ABCB6: variants seen among roughly 807,000 people sequenced by gnomAD.
ABCB6 encodes ATP-binding cassette sub-family B member 6.
In ABCB6, 87 loss-of-function variants were observed where a neutral mutation model predicts 99.4. The ratio of observed to expected loss-of-function variants is 0.88; its 90% CI spans 0.74 to 1.05. The LOEUF (loss-of-function observed/expected upper bound fraction) is 1.05, where lower values mean the gene tolerates loss of function less well. Among genes scored for constraint, ABCB6 ranks in the 50% least tolerant of loss-of-function variants. The pLI, the probability that ABCB6 is intolerant of heterozygous loss-of-function variation, is 0.00. For synonymous variants in ABCB6, 482 were observed against 447.5 expected (o/e 1.08, Z -0.97); for missense variants, 1,050 against 1,097.9 (o/e 0.96, Z 0.62).
rs112830664 is a variant in ABCB6 at position 219,216,686 on chromosome 2, G to C, written c.834C>G (p.Leu278=). The C allele has an allele frequency of 1.9e-6, 3 of 1,577,052 alleles. No individual in the cohort carries two copies. The highest frequency in any genetic ancestry group is 1.9e-5 in the Admixed American group (1 of 53,910). The part of the protein sequence containing the change: ...CLGLMGLERA[L]NVLVPIFYRN... Reference sequence around the variant, plus strand: ...TATAGAATATAGGCACCAACACATTGAGTGCCCGTTCCAAACCCATGAGCC... The same window carrying C: ...TATAGAATATAGGCACCAACACATTCAGTGCCCGTTCCAAACCCATGAGCC... The change falls in exon 3 of 19, where the codon CTC becomes CTG. Residue 278 remains leucine, a synonymous_variant. Transcript: ENST00000265316. The surrounding 1 kb of genome is among the most constrained non-coding windows in gnomAD (Gnocchi z 4.2).
Position 219,216,917 on chromosome 2 carries a change from G to T in ABCB6, c.688-85C>A. On this transcript the variant is annotated intron_variant, in intron 2 of 18. Coordinates refer to ENST00000265316, the MANE Select transcript of ABCB6 (RefSeq NM_005689.4). This position sits in a 1 kb window ranked among gnomAD's most constrained non-coding sequence, Gnocchi z 4.2. The stretch of plus-strand genomic sequence containing the variant: ...AACCCTTCAGGGAAAAACCTATGGG[G>T]TTACAGCTCCCAGGTATCTCAGACC... 1 of 1,259,136 alleles carries T rather than the reference G, an allele frequency of 7.9e-7. No homozygotes were observed. Among genetic ancestry groups the T allele is most frequent in the Non-Finnish European group, 1.1e-6 (1 of 927,458 alleles). 78.0% of individuals were successfully genotyped at this position (1,259,136 alleles called of 1,614,324 possible).
In ABCB6 at chr2:219,213,251, A is replaced by C; in HGVS notation, c.1795T>G (p.Tyr599Asp). The C allele has an allele frequency of 6.2e-7, 1 of 1,614,224 alleles. No homozygotes were observed. Among genetic ancestry groups the C allele is most frequent in the South Asian group, 1.1e-5 (1 of 91,088 alleles). Reference protein sequence around the residue: ...RIEFENVHFSYADGRETLQDV... With the variant: ...RIEFENVHFSDADGRETLQDV... ...AAAGGAAGGCCTCACCCATCGGCAT[A>C]GCTGAAGTGCACGTTCTCAAACTCA... Residue 599 changes from tyrosine to aspartate, a missense_variant, in exon 12 of 19, where the codon TAT becomes GAT. By Grantham distance (160) the Tyr-to-Asp change is radical. Transcript: ENST00000265316.
intron 1 of ABCB6, 112 bp from the exon 2 acceptor site, chr2:219,217,919 T>C: frequency 7.5e-7 from 1 of 1,341,062 alleles, no homozygotes; most frequent in Non-Finnish European, 9.9e-7. Flanking sequence ...ACTTACAGGC[T>C]TAAAAAAAAA....
intron 2 of ABCB6, 83 bp downstream of exon 2, chr2:219,217,587 T>C (rs1950657673): frequency 8.4e-7 from 1 of 1,192,372 alleles, no homozygotes; most frequent in Non-Finnish European, 1.2e-6. Flanking sequence ...GAGGTTGCAG[T>C]GAGCTGAGAT....
rs1472648713 is a variant in ABCB6 at position 219,218,582 on chromosome 2, A to G, written c.92T>C (p.Leu31Pro). 6.2e-7 allele frequency: 1 copy of G among 1,612,648 alleles called. No individual in the cohort carries two copies. Among genetic ancestry groups the G allele is most frequent in the Admixed American group, 1.7e-5 (1 of 60,014 alleles). The stretch of plus-strand genomic sequence containing the variant: ...CAGAGCCATCCGCGTCGAGGGCACG[A>G]GCGTGAAGAAGAAGCAGGGACTCAG... ...DGLSPCFFFT[L>P]VPSTRMALGT... The change falls in exon 1 of 19, where the codon CTC becomes CCC. Residue 31 changes from leucine to proline, a missense_variant. Physicochemically the swap from Leu to Pro is moderately conservative, Grantham distance 98. Coordinates refer to ENST00000265316, the MANE Select transcript of ABCB6 (RefSeq NM_005689.4).
chr2:219,213,550 T>A (rs772687660), intron 10 of ABCB6, 40 bp downstream of exon 10: 1 of 1,614,090 alleles, frequency 6.2e-7, no homozygotes, highest in East Asian at 2.2e-5. Context: ...CAGGAAATAA[T>A]AATGTGCCCT....
intron 12 of ABCB6, 43 bp downstream of exon 12, chr2:219,213,198 G>A: frequency 6.2e-7 from 1 of 1,609,626 alleles, no homozygotes; most frequent in Non-Finnish European, 8.5e-7. Flanking sequence ...AAGGCAGTGT[G>A]CAAATGAACG....
At chr2:219,214,562 A>C in intron 6 of ABCB6, 64 bp from the exon 7 acceptor site, 11 of 1,191,202 alleles carry the variant, frequency 9.2e-6, no homozygotes, top group Non-Finnish European at 1.4e-5. Context: ...ACCAAATGTC[A>C]ATGTCCACTA....
Position 219,218,864 on chromosome 2 carries a change from C to G in ABCB6, c.-191G>C. On this transcript the variant is annotated 5_prime_UTR_variant, in exon 1 of 19. Coordinates refer to ENST00000265316, the MANE Select transcript of ABCB6 (RefSeq NM_005689.4). ...CCCACTCCCCTAGCGCACGCGCCGC[C>G]GCCACGCACTCACGCAGGGCACGTA... 1 of 588,260 alleles carries G rather than the reference C, an allele frequency of 1.7e-6. No homozygotes were observed. Among genetic ancestry groups the G allele is most frequent in the Non-Finnish European group, 2.8e-6 (1 of 355,134 alleles). The allele number at this position is 588,260 out of a possible 1,614,324, so 36.4% of individuals were successfully genotyped here.
In ABCB6 at chr2:219,212,996, G is replaced by C. The variant is rs754351332; in HGVS notation, c.1863+12C>G. 1.2e-6 allele frequency: 2 copies of C among 1,613,776 alleles called. No individual in the cohort carries two copies. The highest frequency in any genetic ancestry group is 8.5e-7 in the Non-Finnish European group (1 of 1,179,850). On this transcript the variant is annotated intron_variant, in intron 13 of 18. Coordinates refer to ENST00000265316, the MANE Select transcript of ABCB6 (RefSeq NM_005689.4). The stretch of plus-strand genomic sequence containing the variant: ...TGAGGCATCTGGGCCAAGTGGCTGG[G>C]TCTCCTCTCACCAGGGCAAGTGTCT...
Position 219,216,382 on chromosome 2 carries a change from C to A in ABCB6, c.952G>T (p.Gly318Cys), listed in dbSNP as rs1383033311. The change falls in exon 4 of 19, where the codon GGT (glycine) becomes TGT (cysteine). Residue 318 changes from glycine to cysteine, a missense_variant. Coordinates refer to ENST00000265316, the MANE Select transcript of ABCB6 (RefSeq NM_005689.4). This position sits in a 1 kb window ranked among gnomAD's most constrained non-coding sequence, Gnocchi z 4.2. ...SYVFLKFLQG[G>C]GTGSTGFVSN... is the part of the protein sequence containing the mutation. ...CTCATACCTGTACTGCCAGTGCCAC[C>A]CCCCTGGAGGAACTTGAGGAAGACG... 3 of 1,613,848 alleles carry A rather than the reference C, an allele frequency of 1.9e-6. No individual in the cohort carries two copies. Among genetic ancestry groups the A allele is most frequent in the Non-Finnish European group, 2.5e-6 (3 of 1,179,930 alleles).
chr2:219,213,025 C>T lies in ABCB6; in HGVS notation c.1846G>A (p.Gly616Arg), dbSNP rs768694750. ...CCTCTCACCAGGGCAAGTGTCTGTC[C>T]AGGCATCACAGTGAAAGACACGTCC... ...LQDVSFTVMPGQTLALVGPSG... is the reference protein window; with the variant it reads ...LQDVSFTVMPRQTLALVGPSG... Residue 616 changes from glycine to arginine, a missense_variant, in exon 13 of 19, where the codon GGA (glycine) becomes AGA (arginine). Gly to Arg is a moderately radical substitution (Grantham distance 125, BLOSUM62 -2). Coordinates refer to ENST00000265316, the MANE Select transcript of ABCB6 (RefSeq NM_005689.4). 1 of 1,614,016 alleles carries T rather than the reference C, an allele frequency of 6.2e-7. No homozygotes were observed. Among genetic ancestry groups the T allele is most frequent in the East Asian group, 2.2e-5 (1 of 44,864 alleles).
rs1950675288 is a variant in ABCB6, at chr2:219,218,405, C to T, written c.269G>A (p.Gly90Asp). Residue 90 changes from glycine to aspartate, a missense_variant, in exon 1 of 19, where the codon GGC becomes GAC. Coordinates refer to ENST00000265316, the MANE Select transcript of ABCB6 (RefSeq NM_005689.4). ...ATLQAALPLA[G>D]LAGRVGTARG... ...GGCAGTGCCCACCCGGCCAGCCAGG[C>T]CGGCCAGGGGCAGCGCCGCCTGAAG... 3 of 1,611,696 alleles carry T rather than the reference C, an allele frequency of 1.9e-6. No individual in the cohort carries two copies. Among genetic ancestry groups the T allele is most frequent in the South Asian group, 1.1e-5 (1 of 91,006 alleles).
intron 6 of ABCB6, 132 bp downstream of exon 6, chr2:219,214,829 G>T: frequency 9.6e-7 from 1 of 1,036,450 alleles, no homozygotes; most frequent in Non-Finnish European, 1.4e-6. Context: ...ATCACATGAC[G>T]AGCACTAGGA....
chr2:219,218,897 T>C lies in ABCB6; in HGVS notation c.-224A>G, dbSNP rs1046096254. 5.9e-6 allele frequency: 3 copies of C among 509,524 alleles called. No individual in the cohort carries two copies. The highest frequency in any genetic ancestry group is 4.1e-5 in the African/African-American group (2 of 49,144). 31.6% of individuals were successfully genotyped at this position (509,524 alleles called of 1,614,324 possible). On this transcript the variant is annotated 5_prime_UTR_variant, in exon 1 of 19. Transcript: ENST00000265316. Reference sequence around the variant, plus strand: ...ACTCACGCAGGGCACGTACGCCGTCTCAGCACGGCCCCGCTGGCTCTGGGC... The same window carrying C: ...ACTCACGCAGGGCACGTACGCCGTCCCAGCACGGCCCCGCTGGCTCTGGGC...
chr2:219,214,085 CA>C, intron 8 of ABCB6, 35 bp downstream of exon 8: 1 of 1,613,296 alleles, frequency 6.2e-7, no homozygotes, highest in East Asian at 2.2e-5. Context: ...CAGGCCAGGG[CA>C]TTATTCTCCG....
chr2:219,218,685 G>A lies in ABCB6; in HGVS notation c.-12C>T. 3 of 1,531,968 alleles carry A rather than the reference G, an allele frequency of 2.0e-6. No individual in the cohort carries two copies. In the East Asian group the frequency reaches 7.0e-5, roughly 36 times the overall value. The allele number at this position is 1,531,968 out of a possible 1,614,324, so 94.9% of individuals were successfully genotyped here. A position where few individuals can be genotyped will look rare whatever the true frequency, so the allele number is the denominator to read the frequency against. ...CCCACAGTCACCATGGCAATGCGTG[G>A]ACGCCGGCCGAGGCTGCGGGCACTG... On this transcript the variant is annotated 5_prime_UTR_variant, in exon 1 of 19. Coordinates refer to ENST00000265316, the MANE Select transcript of ABCB6 (RefSeq NM_005689.4).
In ABCB6 at chr2:219,213,578, G is replaced by A; in HGVS notation, c.1655+12C>T. On this transcript the variant is annotated intron_variant, in intron 10 of 18. Transcript: ENST00000265316. ...TGTGCCCTGGACAGGTGAGGGCCAG[G>A]GCTCAGATTACCTGTAGTAGGTGCC... 6.2e-7 allele frequency: 1 copy of A among 1,614,160 alleles called. No homozygotes were observed. The highest frequency in any genetic ancestry group is 8.5e-7 in the Non-Finnish European group (1 of 1,180,000).
chr2:219,209,902 G>A lies in ABCB6; in HGVS notation c.*36C>T, dbSNP rs1292342025. ...AAGGAGACACATCTTATTCCCTTCT[G>A]GGTTAGTCTTTGAGAGGGAAGTGGC... On this transcript the variant is annotated 3_prime_UTR_variant, in exon 19 of 19. Transcript: ENST00000265316. 1 of 1,457,936 alleles carries A rather than the reference G, an allele frequency of 6.9e-7. No homozygotes were observed. The highest frequency in any genetic ancestry group is 1.1e-5 in the South Asian group (1 of 87,944). 90.3% of individuals were successfully genotyped at this position (1,457,936 alleles called of 1,614,324 possible).
Sources: allele counts gnomAD v4.1 joint callset, GRCh38; gene constraint gnomAD v4.1.1; non-coding constraint Gnocchi (gnomAD v3.1); transcripts MANE v1.5; gene names NCBI Gene and HGNC (gene_info 2026-07-23, HGNC 2026-07-21).